The following NOXRED1 variants were observed in gnomAD, a reference collection of about 807,000 sequenced individuals.
NOXRED1 encodes NADP-dependent oxidoreductase domain-containing protein 1.
In NOXRED1, 20 loss-of-function variants were observed where a neutral mutation model predicts 30.4. The ratio of observed to expected loss-of-function variants is 0.66; its 90% CI spans 0.46 to 0.96. The LOEUF (loss-of-function observed/expected upper bound fraction) is 0.96. Among genes scored for constraint, NOXRED1 ranks in the 40% least tolerant of loss-of-function variants. The pLI is 0.00. For synonymous variants in NOXRED1, 155 were observed against 168.0 expected (o/e 0.92, Z 0.60); for missense variants, 374 against 428.0 (o/e 0.87, Z 1.11).
upstream of NOXRED1, among the ~76,000 whole-genome samples, chr14:77,425,375 T>TATAG (rs1895098056): frequency 6.6e-6 from 1 of 151,478 alleles, no homozygotes; most frequent in African/African-American, 2.5e-5. Context: ...AAACAGCAGA[T>TATAG]ATAGATTAGA....
rs1555363632 is a variant in NOXRED1, at chr14:77,415,631, T to TAGATAGATAGACAGAC, written c.156-1505_156-1504insGTCTGTCTATCTATCT. Among the ~76,000 whole-genome samples the TAGATAGATAGACAGAC allele has an allele frequency of 1.5e-3, 211 of 141,390 alleles. 1 individual carries two copies. Among genetic ancestry groups the TAGATAGATAGACAGAC allele is most frequent in the East Asian group, 7.1e-3 (35 of 4,914 alleles). 92.8% of individuals were successfully genotyped at this position (141,390 alleles called of 152,430 possible). ...ATAGATAGATAGATAGATAGATAGA[T>TAGATAGATAGACAGAC]AGACAGACAGACAGACATATAGATA... On this transcript the variant is annotated intron_variant, in intron 1 of 5. Coordinates refer to ENST00000380835, the MANE Select transcript of NOXRED1 (RefSeq NM_001113475.3).
chr14:77,421,819 A>G (rs1895000215), intron 1 of NOXRED1, among the ~76,000 whole-genome samples: 1 of 152,220 alleles, frequency 6.6e-6, no homozygotes, highest in Non-Finnish European at 1.5e-5. Flanking sequence ...TTTGCTTCTA[A>G]GCAACATAAG....
At chr14:77,405,845 G>GA (rs1894442672) in intron 5 of NOXRED1, 68 bp downstream of exon 5, 3 of 944,914 alleles carry the variant, frequency 3.2e-6, no homozygotes, top group South Asian at 1.4e-5. Flanking sequence ...AAGGATAAAA[G>GA]AAAAAAAGCA....
At chr14:77,406,235 C>T in intron 4 of NOXRED1, 100 bp from the exon 5 acceptor site, 1 of 750,078 alleles carries the variant, frequency 1.3e-6, no homozygotes, top group Non-Finnish European at 2.2e-6. Context: ...GCCTTTTTTC[C>T]AAGACAGATT....
chr14:77,422,878 G>A lies in NOXRED1; in HGVS notation c.12C>T (p.Leu4=). 3.7e-6 allele frequency: 6 copies of A among 1,611,500 alleles called. No homozygotes were observed. In the Middle Eastern group the frequency reaches 5.0e-4, roughly 134 times the overall value. The part of the protein sequence containing the change: MDM[L]QDLESLQFEY... Reference sequence around the variant, plus strand: ...CAAACTGCAGGGACTCAAGGTCCTGGAGCATGTCCATTTCCAAGCCACTAT... The same window carrying A: ...CAAACTGCAGGGACTCAAGGTCCTGAAGCATGTCCATTTCCAAGCCACTAT... Residue 4 remains leucine (L), a synonymous_variant, in exon 1 of 6, where the codon CTC becomes CTT. Transcript: ENST00000380835.
intron 1 of NOXRED1, among the ~76,000 whole-genome samples, chr14:77,415,805 A>G (rs1894805433): frequency 6.6e-6 from 1 of 150,708 alleles, no homozygotes; most frequent in Admixed American, 6.6e-5. Flanking sequence ...CACCTCTCAC[A>G]TTCAAGCAAT....
chr14:77,422,226 A>G (rs919123661), intron 1 of NOXRED1, among the ~76,000 whole-genome samples: 4 of 152,220 alleles, frequency 2.6e-5, no homozygotes, highest in African/African-American at 9.6e-5. Flanking sequence ...GCCATATTGT[A>G]GAAAGATATC....
Position 77,422,994 on chromosome 14 carries a change from C to G in NOXRED1, c.-105G>C. The G allele has an allele frequency of 4.4e-6, 4 of 915,060 alleles. No homozygotes were observed. The highest frequency in any genetic ancestry group is 6.8e-6 in the Non-Finnish European group (4 of 590,340). 56.7% of individuals were successfully genotyped at this position (915,060 alleles called of 1,614,324 possible). A position where few individuals can be genotyped will look rare whatever the true frequency, so the allele number is the denominator to read the frequency against. On this transcript the variant is annotated 5_prime_UTR_variant, in exon 1 of 6. Transcript: ENST00000380835. ...AGGTGTGTGTATGATGGTGTGTGTG[C>G]CCAGGTCACAAGCACTCATGATGAT...
At position 77,394,762 on chromosome 14, in the gene NOXRED1, T is replaced by C. The variant is rs752400697; in HGVS notation, c.949A>G (p.Thr317Ala). Reference sequence around the variant, plus strand: ...CTTGAGAGATGCTGGCTAAACGGAGTTTCCTTGAGTTGCACAGCAGTCAGA... The same window carrying C: ...CTTGAGAGATGCTGGCTAAACGGAGCTTCCTTGAGTTGCACAGCAGTCAGA... ...FDLTAVQLKE[T>A]PFSQHLSSSP... is the part of the protein sequence containing the mutation. The change falls in exon 6 of 6, where the codon ACT becomes GCT. Residue 317 changes from threonine (T) to alanine (A), a missense_variant. Coordinates refer to ENST00000380835, the MANE Select transcript of NOXRED1 (RefSeq NM_001113475.3). 12 of 1,613,560 alleles carry C rather than the reference T, an allele frequency of 7.4e-6. No homozygotes were observed. Among genetic ancestry groups the C allele is most frequent in the African/African-American group, 1.3e-5 (1 of 74,880 alleles).
In NOXRED1 at chr14:77,412,404, A is replaced by G. The variant is rs1894684121; in HGVS notation, c.349+1530T>C. ...AACTACATAGTCTGTGCATCCAAAC[A>G]CCAGGTACAGCAAGCACACCCTGCT... is the stretch of plus-strand genomic sequence containing the variant. On this transcript the variant is annotated intron_variant, in intron 2 of 5. Transcript: ENST00000380835. Among the ~76,000 whole-genome samples, 3 of 152,276 alleles carry G rather than the reference A, an allele frequency of 2.0e-5. No homozygotes were observed. The South Asian group carries it at 6.2e-4, about 32-fold the overall frequency.
chr14:77,394,525 A>G lies in NOXRED1; in HGVS notation c.*106T>C. Reference sequence around the variant, plus strand: ...TAATTCCTGATGTCTATCATGTGGCAAACACAATACAGCCACAAGACTCCC... The same window carrying G: ...TAATTCCTGATGTCTATCATGTGGCGAACACAATACAGCCACAAGACTCCC... On this transcript the variant is annotated 3_prime_UTR_variant, in exon 6 of 6. Coordinates refer to ENST00000380835, the MANE Select transcript of NOXRED1 (RefSeq NM_001113475.3). 1.3e-6 allele frequency: 1 copy of G among 783,560 alleles called. No individual in the cohort carries two copies. The allele number at this position is 783,560 out of a possible 1,614,324, so 48.5% of individuals were successfully genotyped here.
At chr14:77,412,492 A>T (rs1894686650) in intron 2 of NOXRED1, among the ~76,000 whole-genome samples, 1 of 152,066 alleles carries the variant, frequency 6.6e-6, no homozygotes, top group Non-Finnish European at 1.5e-5. Context: ...GGGAAAGTGG[A>T]GGGGCTTAAC....
In NOXRED1 at chr14:77,414,001, T is replaced by C. The variant is rs368800666; in HGVS notation, c.282A>G (p.Thr94=). The C allele has an allele frequency of 6.8e-6, 11 of 1,611,496 alleles. No individual in the cohort carries two copies. The Admixed American group carries it at 8.4e-5, about 12-fold the overall frequency. The change falls in exon 2 of 6, where the codon ACA becomes ACG. Residue 94 remains threonine (T), a synonymous_variant. Transcript: ENST00000380835. ...CAGGGATGGGGCCAAGCTGCAGCAG[T>C]GTGCCAGCCAGCTGCTTCCCAAGGT... ...GGHLGKQLAG[T]LLQLGPIPAE... is the part of the protein sequence containing the mutation.
chr14:77,419,538 T>C (rs1378777752), intron 1 of NOXRED1, among the ~76,000 whole-genome samples: 10 of 135,974 alleles, frequency 7.4e-5, no homozygotes, highest in South Asian at 2.6e-4. Context: ...TACCTCCGCC[T>C]CCCGGGTTCA....
chr14:77,423,958 G>A (rs1402018817), upstream of NOXRED1, among the ~76,000 whole-genome samples: 6 of 152,208 alleles, frequency 3.9e-5, no homozygotes, highest in East Asian at 5.8e-4. Context: ...CAAAAGGAAC[G>A]CCTACACCCA....
Position 77,410,139 on chromosome 14 carries a change from GA to G in NOXRED1, c.350-2495del, listed in dbSNP as rs796291582. 2.0e-4 allele frequency among the ~76,000 whole-genome samples: 30 copies of G among 147,922 alleles called. No homozygotes were observed. The East Asian group carries it at 2.2e-3, about 11-fold the overall frequency. On this transcript the variant is annotated intron_variant, in intron 2 of 5. Transcript: ENST00000380835. ...TTTTTTAGTTTCCTTAGGAATATAGGAAAAAAAAAATGGCCAGGTGTGGTGA... is the reference window on the plus strand; with the variant it reads ...TTTTTTAGTTTCCTTAGGAATATAGGAAAAAAAAATGGCCAGGTGTGGTGA...
chr14:77,413,497 A>G (rs1385258173), intron 2 of NOXRED1, among the ~76,000 whole-genome samples: 1 of 152,148 alleles, frequency 6.6e-6, no homozygotes, highest in Non-Finnish European at 1.5e-5. Flanking sequence ...TTGGCCTCCC[A>G]AAGTGCTGTG....
chr14:77,406,281 C>T, intron 4 of NOXRED1, 146 bp from the exon 5 acceptor site: 1 of 627,134 alleles, frequency 1.6e-6, no homozygotes, highest in Non-Finnish European at 2.8e-6. Flanking sequence ...AACATTCCTT[C>T]CTGAGCCACA....
chr14:77,423,297 C>T lies in NOXRED1; in HGVS notation c.-408G>A, dbSNP rs1265644865. Among the ~76,000 whole-genome samples the T allele has an allele frequency of 6.6e-6, 1 of 152,190 alleles. No individual in the cohort carries two copies. Among genetic ancestry groups the T allele is most frequent in the Admixed American group, 6.5e-5 (1 of 15,284 alleles). On this transcript the variant is annotated 5_prime_UTR_variant, in exon 1 of 6. Transcript: ENST00000380835. ...TCCCTCCTGCGTTTTGGAAATAGGA[C>T]TGAACACATAGAACCACATTTCAAA... is the stretch of plus-strand genomic sequence containing the variant.
Sources: gnomAD v4.1 joint callset for allele counts (sites outside exome capture counted in the v4.1 genomes callset) on GRCh38, gnomAD v4.1.1 for gene constraint, MANE v1.5 for transcripts, NCBI Gene and HGNC (gene_info 2026-07-23, HGNC 2026-07-21) for gene names.